Variants in KIF13B observed in about 807,000 individuals in gnomAD.
KIF13B encodes the protein kinesin-like protein KIF13B.
Under a neutral mutation model 222.0 loss-of-function variants are expected in KIF13B, and 127 were observed. The ratio of observed to expected loss-of-function variants is 0.57; its 90% CI spans 0.50 to 0.66. The LOEUF is 0.66. Among genes scored for constraint, KIF13B ranks in the 30% least tolerant of loss-of-function variants. KIF13B has a pLI of 0.00. For missense variants in KIF13B, 2,173 were observed against 2,379.0 expected, an observed-to-expected ratio of 0.91 and a Z score of 1.80; for synonymous variants, 976 against 919.0, an observed-to-expected ratio of 1.06 and a Z score of -1.12.
At chr8:29,099,487 G>A (rs535407564) in intron 35 of KIF13B, among the ~76,000 whole-genome samples, 60 of 151,916 alleles carry the variant, frequency 3.9e-4, no homozygotes, top group Admixed American at 2.9e-3. Context: ...CAATTCTCCC[G>A]CCTCAGCCTC....
At chr8:29,072,425 C>G (rs1216803482) in intron 38 of KIF13B, 109 bp from the exon 39 acceptor site, 1 of 641,816 alleles carries the variant, frequency 1.6e-6, no homozygotes, top group African/African-American at 1.9e-5. Flanking sequence ...AGTGGCTCAG[C>G]CTGTAACCCC....
chr8:29,149,630 T>C (rs752023140), intron 15 of KIF13B, among the ~76,000 whole-genome samples: 54 of 152,172 alleles, frequency 3.5e-4, no homozygotes, highest in Non-Finnish European at 7.4e-4. Flanking sequence ...CTCTGTTTTT[T>C]TGGATGAACA....
Position 29,147,523 on chromosome 8 carries a change from A to G in KIF13B, c.1893T>C (p.Leu631=). 1 of 1,613,792 alleles carries G rather than the reference A, an allele frequency of 6.2e-7. No individual in the cohort carries two copies. Among genetic ancestry groups the G allele is most frequent in the Non-Finnish European group, 8.5e-7 (1 of 1,179,838 alleles). ...EKRSALERQR[L]MYEHELEQLR... ...GCTGCTCCAATTCGTGCTCATACAT[A>G]AGCCTCTGGCGCTCCAGTGCAGATC... Residue 631 remains leucine, a synonymous_variant, in exon 17 of 40, where the codon CTT becomes CTC. Transcript: ENST00000524189.
At chr8:29,173,644 T>TA (rs1019506337) in intron 10 of KIF13B, among the ~76,000 whole-genome samples, 27 of 150,998 alleles carry the variant, frequency 1.8e-4, no homozygotes, top group African/African-American at 6.1e-4. Context: ...CTTCTTCTAT[T>TA]AAAAAAAACA....
chr8:29,210,887 G>A (rs2130472337), intron 2 of KIF13B, among the ~76,000 whole-genome samples: 1 of 152,328 alleles, frequency 6.6e-6, no homozygotes, highest in South Asian at 2.1e-4. Flanking sequence ...GCTAAACACT[G>A]CTGCAGGAAA....
At chr8:29,179,074 A>G (rs1399359106) in intron 8 of KIF13B, among the ~76,000 whole-genome samples, 1 of 152,184 alleles carries the variant, frequency 6.6e-6, no homozygotes, top group African/African-American at 2.4e-5. Context: ...ATTCCTTCTA[A>G]TAGTGTTTCA....
intron 2 of KIF13B, among the ~76,000 whole-genome samples, chr8:29,214,238 AAAGTT>A (rs1204809630): frequency 2.0e-5 from 3 of 152,256 alleles, no homozygotes; most frequent in Non-Finnish European, 4.4e-5. Context: ...AGCTTACTGT[AAAGTT>A]TTTACTTTAT....
At chr8:29,170,803 C>A (rs767643898) in intron 10 of KIF13B, among the ~76,000 whole-genome samples, 3 of 152,176 alleles carry the variant, frequency 2.0e-5, no homozygotes, top group Admixed American at 6.5e-5. Flanking sequence ...TGTGGCTGGG[C>A]GCAGCGGCTC....
intron 1 of KIF13B, among the ~76,000 whole-genome samples, chr8:29,248,542 C>T (rs2954793): frequency 0.28 from 41,920 of 152,086 alleles, 5,974 homozygotes; most frequent in African/African-American, 0.32. Context: ...GCCAAGCGAA[C>T]AGGGTTTCCC....
At chr8:29,197,402 A>T (rs2130389207) in intron 2 of KIF13B, among the ~76,000 whole-genome samples, 1 of 151,840 alleles carries the variant, frequency 6.6e-6, no homozygotes, top group Non-Finnish European at 1.5e-5. Flanking sequence ...ATAGTTTCAA[A>T]CTTAGAGAAA....
In KIF13B at chr8:29,071,627, C is replaced by T. The variant is rs906468590; in HGVS notation, c.5211G>A (p.Leu1737=). The change falls in exon 39 of 40, where the codon CTG becomes CTA. Residue 1737 remains leucine (L), a synonymous_variant. Transcript: ENST00000524189. This position sits in a 1 kb window ranked among gnomAD's most constrained non-coding sequence, Gnocchi z 4.9. ...EGTWVGVELD[L]PSGKNDGSIG... ...GGAGTGCCCGGTACCCACCTGAGGG[C>T]AGGTCGAGCTCCACGCCGACCCACG... 4 of 1,551,602 alleles carry T rather than the reference C, an allele frequency of 2.6e-6. No homozygotes were observed. The South Asian group carries it at 3.6e-5, about 14-fold the overall frequency.
chr8:29,098,244 C>T (rs952787412), intron 36 of KIF13B, among the ~76,000 whole-genome samples: 2 of 148,748 alleles, frequency 1.3e-5, no homozygotes, highest in Non-Finnish European at 3.0e-5. Context: ...TAAGAAACTC[C>T]TTGAAAAAAA....
intron 37 of KIF13B, among the ~76,000 whole-genome samples, chr8:29,076,547 C>G (rs1000746160): frequency 6.6e-6 from 1 of 152,218 alleles, no homozygotes; most frequent in Non-Finnish European, 1.5e-5. Context: ...GGCCTTCCTT[C>G]CTACTGGGGA....
At chr8:29,224,839 C>G (rs1305684988) in intron 2 of KIF13B, among the ~76,000 whole-genome samples, 6 of 152,154 alleles carry the variant, frequency 3.9e-5, no homozygotes, top group Non-Finnish European at 1.5e-5. Flanking sequence ...ATCTATATCA[C>G]TTTTTTGGGT....
chr8:29,149,833 T>C (rs1195748044), intron 15 of KIF13B, among the ~76,000 whole-genome samples: 1 of 152,164 alleles, frequency 6.6e-6, no homozygotes. Flanking sequence ...TCTGGTTCTG[T>C]CAGGGGAATA....
chr8:29,107,170 T>C (rs977191322), intron 35 of KIF13B, among the ~76,000 whole-genome samples: 1 of 152,228 alleles, frequency 6.6e-6, no homozygotes, highest in Non-Finnish European at 1.5e-5. Flanking sequence ...ATGTTAACTT[T>C]TAGATATAAT....
chr8:29,075,130 A>C (rs1807492682), intron 38 of KIF13B, 151 bp downstream of exon 38: 1 of 667,030 alleles, frequency 1.5e-6, no homozygotes, highest in Non-Finnish European at 2.7e-6. Flanking sequence ...CAAGGAAAAT[A>C]GAGAGGGAGA....
At chr8:29,076,919 G>A (rs557465201) in intron 37 of KIF13B, among the ~76,000 whole-genome samples, 10 of 152,230 alleles carry the variant, frequency 6.6e-5, no homozygotes, top group African/African-American at 2.4e-4. Flanking sequence ...AGGCTGCAGT[G>A]AGCTATGATC....
intron 37 of KIF13B, among the ~76,000 whole-genome samples, chr8:29,089,765 G>C (rs1483244067): frequency 1.3e-5 from 2 of 151,778 alleles, no homozygotes; most frequent in Non-Finnish European, 2.9e-5. Flanking sequence ...GTGGTGGCAG[G>C]TGCCTGTAAT....
Sources: allele counts gnomAD v4.1 joint callset (sites outside exome capture counted in the v4.1 genomes callset), GRCh38; gene constraint gnomAD v4.1.1; non-coding constraint Gnocchi (gnomAD v3.1); transcripts MANE v1.5; gene names NCBI Gene and HGNC (gene_info 2026-07-23, HGNC 2026-07-21).